The following CADPS variants were observed in gnomAD, a reference collection of about 807,000 sequenced individuals.
CADPS encodes the protein calcium dependent secretion activator.
CADPS carries 57 observed loss-of-function variants against 167.3 expected under a neutral mutation model. The observed-to-expected ratio is 0.34, with a 90% confidence interval of 0.28 to 0.42. The LOEUF is 0.42. Ranked by LOEUF, CADPS falls within the 20% of genes least tolerant of loss-of-function variation. CADPS has a pLI of 1.00. For synonymous variants in CADPS, 676 were observed against 635.3 expected (o/e 1.06, Z -0.96); for missense variants, 1,414 against 1,738.1 (o/e 0.81, Z 3.32).
At position 62,518,268 on chromosome 3, in the gene CADPS, A is replaced by G. The variant is rs374627240; in HGVS notation, c.2292-18T>C. The G allele has an allele frequency of 1.9e-6, 3 of 1,584,426 alleles. No individual in the cohort carries two copies. The highest frequency in any genetic ancestry group is 2.7e-5 in the African/African-American group (2 of 74,034). ...CATCAGGCCTGAAAGAAGACATGTC[A>G]TGAAATGACGGGAACCTCATATGCT... On this transcript the variant is annotated intron_variant, in intron 13 of 29. Coordinates refer to ENST00000383710, the MANE Select transcript of CADPS (RefSeq NM_003716.4).
chr3:62,803,350 T>TC (rs1491578395), intron 1 of CADPS, among the ~76,000 whole-genome samples: 2 of 123,508 alleles, frequency 1.6e-5, no homozygotes, highest in African/African-American at 2.8e-5. Flanking sequence ...TTTTTTTTTT[T>TC]CTATATAGCA....
chr3:62,714,887 T>C (rs1195152055), intron 3 of CADPS, among the ~76,000 whole-genome samples: 1 of 152,184 alleles, frequency 6.6e-6, no homozygotes. Flanking sequence ...ATTCACTATG[T>C]ATGAAGCTCA....
intron 3 of CADPS, among the ~76,000 whole-genome samples, chr3:62,743,573 A>G (rs1277064981): frequency 6.6e-6 from 1 of 152,226 alleles, no homozygotes; most frequent in African/African-American, 2.4e-5. Flanking sequence ...TACACTTTTC[A>G]GGTCATCCAA....
At chr3:62,655,820 TTC>T (rs1302271867) in intron 4 of CADPS, among the ~76,000 whole-genome samples, 1 of 152,128 alleles carries the variant, frequency 6.6e-6, no homozygotes, top group Admixed American at 6.6e-5. Flanking sequence ...CTTCCTGGGC[TTC>T]TGTCATGTGT....
chr3:62,664,234 C>T (rs1001382783), intron 3 of CADPS, among the ~76,000 whole-genome samples: 1 of 152,212 alleles, frequency 6.6e-6, no homozygotes, highest in African/African-American at 2.4e-5. Context: ...CTGCGAACTC[C>T]TGACCTCGTG....
intron 6 of CADPS, among the ~76,000 whole-genome samples, chr3:62,624,791 T>C (rs1339464764): frequency 2.0e-5 from 3 of 152,006 alleles, no homozygotes; most frequent in Non-Finnish European, 4.4e-5. Flanking sequence ...AGGTGGGGTG[T>C]GTAGATCAGG....
chr3:62,669,718 T>C (rs2075171196), intron 3 of CADPS, among the ~76,000 whole-genome samples: 1 of 152,160 alleles, frequency 6.6e-6, no homozygotes, highest in African/African-American at 2.4e-5. Flanking sequence ...TAACTCTAAA[T>C]TGGGAACAAT....
chr3:62,618,792 T>C (rs557883953), intron 6 of CADPS, among the ~76,000 whole-genome samples: 6 of 152,336 alleles, frequency 3.9e-5, no homozygotes, highest in East Asian at 3.9e-4. Context: ...TAATAGAACA[T>C]AGAGTAGTTT....
At chr3:62,839,994 C>T (rs1344790260) in intron 1 of CADPS, among the ~76,000 whole-genome samples, 1 of 152,106 alleles carries the variant, frequency 6.6e-6, no homozygotes, top group Non-Finnish European at 1.5e-5. Context: ...ATGATGAGCT[C>T]AGTCGGGGAC....
At chr3:62,595,835 A>G (rs1399763539) in intron 6 of CADPS, among the ~76,000 whole-genome samples, 1 of 152,156 alleles carries the variant, frequency 6.6e-6, no homozygotes, top group African/African-American at 2.4e-5. Context: ...TCTGGTGGAC[A>G]CAATCTAAGC....
chr3:62,624,250 G>A (rs1454440035), intron 6 of CADPS, among the ~76,000 whole-genome samples: 1 of 152,066 alleles, frequency 6.6e-6, no homozygotes, highest in Non-Finnish European at 1.5e-5. Flanking sequence ...GAATGATGGG[G>A]TTGTTTGTAT....
intron 6 of CADPS, among the ~76,000 whole-genome samples, chr3:62,642,771 G>A (rs150645933): frequency 1.6e-4 from 24 of 152,174 alleles, no homozygotes; most frequent in East Asian, 7.7e-4. Flanking sequence ...TTAGCTGGGC[G>A]TGGTAGTGTA....
rs115193866 is a variant in CADPS at position 62,665,425 on chromosome 3, G to A, written c.889-3031C>T. On this transcript the variant is annotated intron_variant, in intron 3 of 29. Transcript: ENST00000383710. ...GGAAACTGAGTCTTGGTAAGGTAGA[G>A]GAACATGCCCCAAATCACACTTCTG... Among the ~76,000 whole-genome samples, 794 of 152,300 alleles carry A rather than the reference G, an allele frequency of 5.2e-3. 1 individual carries two copies. Among genetic ancestry groups the A allele is most frequent in the Non-Finnish European group, 7.6e-3 (515 of 68,026 alleles).
rs750962712 is a variant in CADPS at position 62,481,709 on chromosome 3, A to T, written c.3173+14T>A. The T allele has an allele frequency of 1.9e-6, 3 of 1,577,966 alleles. No homozygotes were observed. In the South Asian group the frequency reaches 3.6e-5, roughly 19 times the overall value. Reference sequence around the variant, plus strand: ...TTAAATTTAAATGAGATCTAATGTGAACTGAATACACACTCCGCATCATAT... The same window carrying T: ...TTAAATTTAAATGAGATCTAATGTGTACTGAATACACACTCCGCATCATAT... On this transcript the variant is annotated intron_variant, in intron 22 of 29. Coordinates refer to ENST00000383710, the MANE Select transcript of CADPS (RefSeq NM_003716.4).
intron 3 of CADPS, among the ~76,000 whole-genome samples, chr3:62,722,099 G>A (rs890816345): frequency 4.6e-5 from 7 of 152,246 alleles, no homozygotes; most frequent in Non-Finnish European, 8.8e-5. Flanking sequence ...ATGCAGGCTT[G>A]GAAGAGTTAA....
chr3:62,839,923 C>T (rs143280901), intron 1 of CADPS, among the ~76,000 whole-genome samples: 8 of 152,236 alleles, frequency 5.3e-5, no homozygotes, highest in Non-Finnish European at 8.8e-5. Flanking sequence ...TGACCAGATG[C>T]ATGGTGATTT....
intron 6 of CADPS, among the ~76,000 whole-genome samples, chr3:62,630,025 T>C (rs1473737650): frequency 2.6e-5 from 4 of 152,170 alleles, no homozygotes; most frequent in Non-Finnish European, 5.9e-5. Context: ...TAGAATTCAT[T>C]GGTGTCTTAA....
At chr3:62,574,187 A>ATGCTCCATTCATCCCATGGT (rs1290713909) in intron 8 of CADPS, among the ~76,000 whole-genome samples, 3 of 152,176 alleles carry the variant, frequency 2.0e-5, no homozygotes, top group African/African-American at 7.2e-5. Context: ...TCTCATCTCT[A>ATGCTCCATTCATCCCATGGT]TGCTCCATTC....
intron 6 of CADPS, among the ~76,000 whole-genome samples, chr3:62,631,102 TG>T (rs2065188200): frequency 6.9e-6 from 1 of 144,634 alleles, no homozygotes; most frequent in African/African-American, 2.7e-5. Context: ...AAACTTTATC[TG>T]TATAATACAC....
Sources: gnomAD v4.1 joint callset for allele counts (sites outside exome capture counted in the v4.1 genomes callset) on GRCh38, gnomAD v4.1.1 for gene constraint, MANE v1.5 for transcripts, NCBI Gene and HGNC (gene_info 2026-07-23, HGNC 2026-07-21) for gene names.